RPS6KA2: variants seen among roughly 807,000 people sequenced by gnomAD.
RPS6KA2 encodes ribosomal protein S6 kinase A2.
RPS6KA2 carries 42 observed loss-of-function variants against 91.8 expected under a neutral mutation model. The ratio of observed to expected loss-of-function variants is 0.46; its 90% CI spans 0.36 to 0.59. RPS6KA2 has a LOEUF of 0.59. Ranked by LOEUF, RPS6KA2 falls within the 20% of genes least tolerant of loss-of-function variation. RPS6KA2 has a pLI of 0.00. For synonymous variants in RPS6KA2, 414 were observed against 393.6 expected (o/e 1.05, Z -0.61); for missense variants, 798 against 978.5 (o/e 0.82, Z 2.46).
Position 166,569,219 on chromosome 6 carries a change from C to T in RPS6KA2, c.100-30435G>A, listed in dbSNP as rs1001462095. Among the ~76,000 whole-genome samples the T allele has an allele frequency of 4.6e-5, 7 of 152,326 alleles. No individual in the cohort carries two copies. The South Asian group carries it at 8.3e-4, about 18-fold the overall frequency. On this transcript the variant is annotated intron_variant, in intron 1 of 20. Coordinates refer to ENST00000265678, the MANE Select transcript of RPS6KA2 (RefSeq NM_021135.6). ...CTTCAACCCACAGGGGCTGAGACCCCGCAGGGGCCTTGAGACTGGCCCTGG... is the reference window on the plus strand; with the variant it reads ...CTTCAACCCACAGGGGCTGAGACCCTGCAGGGGCCTTGAGACTGGCCCTGG...
intron 2 of RPS6KA2, among the ~76,000 whole-genome samples, chr6:166,779,599 T>G (rs1301964056): frequency 1.3e-5 from 2 of 152,130 alleles, no homozygotes; most frequent in Non-Finnish European, 2.9e-5. Context: ...GGGGCCTCAG[T>G]CTAGTCAGGA....
At chr6:166,820,069 A>AT (rs752322078) in intron 2 of RPS6KA2, among the ~76,000 whole-genome samples, 6 of 152,064 alleles carry the variant, frequency 3.9e-5, no homozygotes, top group African/African-American at 7.2e-5. Context: ...TTTTCAGTGC[A>AT]TTTTTCTGTC....
intron 2 of RPS6KA2, among the ~76,000 whole-genome samples, chr6:166,669,847 G>T (rs142216481): frequency 1.4e-4 from 22 of 152,344 alleles, no homozygotes; most frequent in African/African-American, 5.3e-4. Context: ...GTAGGCCAGG[G>T]CCTATGGGGA....
intron 2 of RPS6KA2, among the ~76,000 whole-genome samples, chr6:166,834,583 A>C (rs1435427759): frequency 6.6e-6 from 1 of 152,222 alleles, no homozygotes; most frequent in African/African-American, 2.4e-5. Flanking sequence ...TTATATAACA[A>C]ACCTGCACGT....
In RPS6KA2 at chr6:166,469,770, C is replaced by A. The variant is rs1290860803; in HGVS notation, c.972+71G>T. 2.2e-6 allele frequency: 3 copies of A among 1,376,300 alleles called. No individual in the cohort carries two copies. The Admixed American group carries it at 5.0e-5, about 23-fold the overall frequency. 85.3% of individuals were successfully genotyped at this position (1,376,300 alleles called of 1,614,324 possible). ...CCCGGACACTGAGGACCCTCTGCAC[C>A]AAGCCGTATGTTCCCTCCACCCACT... On this transcript the variant is annotated intron_variant, in intron 11 of 20. Coordinates refer to ENST00000265678, the MANE Select transcript of RPS6KA2 (RefSeq NM_021135.6).
chr6:166,477,216 C>T (rs182292130), intron 10 of RPS6KA2, among the ~76,000 whole-genome samples: 50 of 152,242 alleles, frequency 3.3e-4, no homozygotes, highest in African/African-American at 1.1e-3. Context: ...TTGTAAAATA[C>T]ACCTGTGGGA....
At chr6:166,794,806 G>A (rs1779182936) in intron 2 of RPS6KA2, among the ~76,000 whole-genome samples, 1 of 147,776 alleles carries the variant, frequency 6.8e-6, no homozygotes, top group Non-Finnish European at 1.5e-5. Flanking sequence ...ATTGAACAAT[G>A]AGAACACATG....
chr6:166,542,096 A>AAAACG (rs1303625768), intron 1 of RPS6KA2, among the ~76,000 whole-genome samples: 2 of 152,022 alleles, frequency 1.3e-5, no homozygotes, highest in Non-Finnish European at 1.5e-5. Context: ...AAAACAAAAC[A>AAAACG]AACAAAGATC....
At chr6:166,527,631 C>T (rs187886924) in intron 3 of RPS6KA2, among the ~76,000 whole-genome samples, 2 of 152,286 alleles carry the variant, frequency 1.3e-5, no homozygotes, top group Admixed American at 1.3e-4. Context: ...AGGATATTCA[C>T]AGAGTTGTGT....
In RPS6KA2 at chr6:166,490,918, G is replaced by A. The variant is rs1406534586; in HGVS notation, c.748-177C>T. Among the ~76,000 whole-genome samples, 1 of 152,208 alleles carries A rather than the reference G, an allele frequency of 6.6e-6. No homozygotes were observed. Among genetic ancestry groups the A allele is most frequent in the African/African-American group, 2.4e-5 (1 of 41,446 alleles). Reference sequence around the variant, plus strand: ...GTACAACAGTGACTAAAACTGCCTCGCAGAGCTTGCCATTTGGTGGGTGAG... The same window carrying A: ...GTACAACAGTGACTAAAACTGCCTCACAGAGCTTGCCATTTGGTGGGTGAG... On this transcript the variant is annotated intron_variant, in intron 8 of 20. Transcript: ENST00000265678. This position sits in a 1 kb window ranked among gnomAD's most constrained non-coding sequence, Gnocchi z 4.2.
At chr6:166,797,793 AT>A (rs1202573211) in intron 2 of RPS6KA2, among the ~76,000 whole-genome samples, 1 of 152,140 alleles carries the variant, frequency 6.6e-6, no homozygotes, top group African/African-American at 2.4e-5. Flanking sequence ...ATTAGAAAAA[AT>A]ATATCAATGT....
At chr6:166,497,557 C>T (rs11752989) in intron 8 of RPS6KA2, among the ~76,000 whole-genome samples, 2,664 of 152,364 alleles carry the variant, frequency 0.017, 30 homozygotes, top group Middle Eastern at 0.041. Context: ...TGTGAGCTCC[C>T]GGGGCTGAGG....
chr6:166,556,727 G>A (rs377062324), intron 1 of RPS6KA2, among the ~76,000 whole-genome samples: 1 of 152,130 alleles, frequency 6.6e-6, no homozygotes, highest in South Asian at 2.1e-4. Flanking sequence ...TTTCTCTGTG[G>A]AGCAGAATCC....
intron 10 of RPS6KA2, among the ~76,000 whole-genome samples, chr6:166,481,826 C>T (rs556019079): frequency 9.3e-5 from 14 of 150,478 alleles, no homozygotes; most frequent in African/African-American, 3.4e-4. Context: ...GCAGGTATAC[C>T]TCTCTGATCG....
intron 14 of RPS6KA2, among the ~76,000 whole-genome samples, chr6:166,442,307 C>A (rs1304484661): frequency 6.6e-6 from 1 of 152,214 alleles, no homozygotes; most frequent in Non-Finnish European, 1.5e-5. Context: ...AACACTGGGG[C>A]TCCCCGCCTT....
intron 11 of RPS6KA2, among the ~76,000 whole-genome samples, chr6:166,465,158 A>T (rs921618975): frequency 6.6e-6 from 1 of 152,202 alleles, no homozygotes; most frequent in African/African-American, 2.4e-5. Context: ...ATGTCTTCTC[A>T]TTCGTCATTA....
At chr6:166,736,279 T>C (rs1401034096) in intron 2 of RPS6KA2, among the ~76,000 whole-genome samples, 1 of 152,240 alleles carries the variant, frequency 6.6e-6, no homozygotes, top group Non-Finnish European at 1.5e-5. Flanking sequence ...TGCTCTTTCT[T>C]GGATGCTACT....
At chr6:166,707,466 C>T (rs1172643171) in intron 2 of RPS6KA2, among the ~76,000 whole-genome samples, 1 of 152,164 alleles carries the variant, frequency 6.6e-6, no homozygotes, top group African/African-American at 2.4e-5. Context: ...GGAACAAAAC[C>T]AGGTGACTGG....
At chr6:166,744,710 A>C (rs1324780071) in intron 2 of RPS6KA2, among the ~76,000 whole-genome samples, 2 of 151,990 alleles carry the variant, frequency 1.3e-5, no homozygotes, top group Non-Finnish European at 2.9e-5. Context: ...AGGAGATGAC[A>C]CCTGGGGGCA....
Sources: gnomAD v4.1 joint callset for allele counts (sites outside exome capture counted in the v4.1 genomes callset) on GRCh38, gnomAD v4.1.1 for gene constraint, Gnocchi (gnomAD v3.1) non-coding constraint, MANE v1.5 for transcripts, NCBI Gene and HGNC (gene_info 2026-07-23, HGNC 2026-07-21) for gene names.